Variants in UBE2O observed in about 807,000 individuals in gnomAD.
UBE2O encodes the protein (E3-independent) E2 ubiquitin-conjugating enzyme.
UBE2O carries 15 observed loss-of-function variants against 125.8 expected under a neutral mutation model. That is an observed-to-expected ratio of 0.12 (90% CI 0.08 to 0.18). The LOEUF is 0.18. Among genes scored for constraint, UBE2O ranks in the 10% least tolerant of loss-of-function variants. The probability of loss-of-function intolerance (pLI) is 1.00; values close to 1 mark genes in which losing one functional copy is unlikely to be tolerated. For missense variants in UBE2O, 1,280 were observed against 1,723.6 expected (o/e 0.74, Z 4.56); for synonymous variants, 708 against 703.2 (o/e 1.01, Z -0.11).
chr17:76,397,279 G>C (rs976453402), intron 13 of UBE2O, among the ~76,000 whole-genome samples: 8 of 152,216 alleles, frequency 5.3e-5, no homozygotes, highest in Non-Finnish European at 8.8e-5. Flanking sequence ...TAAGGTGATG[G>C]GGCAAGCCAT....
intron 1 of UBE2O, among the ~76,000 whole-genome samples, chr17:76,419,340 CTACTT>C (rs1300378502): frequency 1.4e-5 from 2 of 146,318 alleles, no homozygotes; most frequent in African/African-American, 5.0e-5. Context: ...TATACTCTGA[CTACTT>C]AGGAATATTT....
intron 1 of UBE2O, among the ~76,000 whole-genome samples, chr17:76,426,913 CT>C (rs200317048): frequency 0.062 from 9,204 of 148,256 alleles, 366 homozygotes; most frequent in South Asian, 0.12. Context: ...GTAAATACAA[CT>C]TTTTTTTTTT....
intron 1 of UBE2O, among the ~76,000 whole-genome samples, chr17:76,421,371 G>C (rs28452498): frequency 0.19 from 29,582 of 151,704 alleles, 3,038 homozygotes; most frequent in East Asian, 0.4. Flanking sequence ...ATTTTCTTTT[G>C]TCTTTTTTTT....
chr17:76,421,565 A>G (rs573298339), intron 1 of UBE2O, among the ~76,000 whole-genome samples: 34 of 152,116 alleles, frequency 2.2e-4, no homozygotes, highest in African/African-American at 7.0e-4. Context: ...GGGTTTCTCC[A>G]TGTTGGTCAG....
chr17:76,445,219 CT>C lies in UBE2O; in HGVS notation c.417+7505del, dbSNP rs1187138560. Among the ~76,000 whole-genome samples the C allele has an allele frequency of 3.4e-3, 492 of 144,512 alleles. 4 individuals are homozygous for C. The highest frequency in any genetic ancestry group is 1.0e-2 in the African/African-American group (395 of 39,622). 94.8% of individuals were successfully genotyped at this position (144,512 alleles called of 152,430 possible). A position where few individuals can be genotyped will look rare whatever the true frequency, so the allele number is the denominator to read the frequency against. ...GTCATTGTTGGGTAGGACTGACTGCCTTTTTTTTTTTCTTTTTCCAAGCATG... is the reference window on the plus strand; with the variant it reads ...GTCATTGTTGGGTAGGACTGACTGCCTTTTTTTTTTCTTTTTCCAAGCATG... On this transcript the variant is annotated intron_variant, in intron 1 of 17. Coordinates refer to ENST00000319380, the MANE Select transcript of UBE2O (RefSeq NM_022066.4).
At position 76,400,390 on chromosome 17, in the gene UBE2O, A is replaced by G; in HGVS notation, c.1004+51T>C. On this transcript the variant is annotated intron_variant, in intron 7 of 17. Coordinates refer to ENST00000319380, the MANE Select transcript of UBE2O (RefSeq NM_022066.4). The surrounding 1 kb of genome is among the most constrained non-coding windows in gnomAD (Gnocchi z 4.3). ...CCCCAGGCATGTGACCAGGGCCCAG[A>G]GCCCTGTCCCACGCGTGCCCCTGGG... 1.3e-6 allele frequency: 2 copies of G among 1,591,810 alleles called. No individual in the cohort carries two copies. Among genetic ancestry groups the G allele is most frequent in the Non-Finnish European group, 1.7e-6 (2 of 1,165,244 alleles).
At position 76,396,653 on chromosome 17, in the gene UBE2O, G is replaced by C; in HGVS notation, c.2284C>G (p.Pro762Ala). 6.2e-7 allele frequency: 1 copy of C among 1,613,598 alleles called. No individual in the cohort carries two copies. Among genetic ancestry groups the C allele is most frequent in the South Asian group, 1.1e-5 (1 of 91,074 alleles). ...HPKIEEPPIP[P>A]LEQPVAPEDK... is the part of the protein sequence containing the mutation. Reference sequence around the variant, plus strand: ...TCAGGGGCCACCGGCTGCTCCAGGGGTGGGATGGGGGGCTCCTCTATCTTG... The same window carrying C: ...TCAGGGGCCACCGGCTGCTCCAGGGCTGGGATGGGGGGCTCCTCTATCTTG... The change falls in exon 14 of 18, where the codon CCC (proline) becomes GCC (alanine). Residue 762 changes from proline to alanine, a missense_variant. This residue lies in a region of UBE2O where 210 missense variants were observed against 268.9 expected (regional missense o/e 0.78). Coordinates refer to ENST00000319380, the MANE Select transcript of UBE2O (RefSeq NM_022066.4). This position sits in a 1 kb window ranked among gnomAD's most constrained non-coding sequence, Gnocchi z 6.7.
chr17:76,405,311 A>G lies in UBE2O; in HGVS notation c.483T>C (p.Ser161=). 2 of 1,610,370 alleles carry G rather than the reference A, an allele frequency of 1.2e-6. No individual in the cohort carries two copies. The highest frequency in any genetic ancestry group is 1.1e-5 in the South Asian group (1 of 90,854). ...DVVRHMRSTD[S]QCGTVIDVNI... is the part of the protein sequence containing the mutation. ...TGACGTCGATCACCGTGCCACACTG[A>G]CTGTCCTGGGGGAGGGAGGAGACAT... The change falls in exon 3 of 18, where the codon AGT becomes AGC. Residue 161 remains serine (S), a synonymous_variant. Coordinates refer to ENST00000319380, the MANE Select transcript of UBE2O (RefSeq NM_022066.4). This position sits in a 1 kb window ranked among gnomAD's most constrained non-coding sequence, Gnocchi z 6.1.
intron 1 of UBE2O, among the ~76,000 whole-genome samples, chr17:76,449,820 T>C (rs2073207189): frequency 6.6e-6 from 1 of 151,958 alleles, no homozygotes; most frequent in African/African-American, 2.4e-5. Context: ...CTCGGGAGGC[T>C]GAGGTAGGAG....
chr17:76,444,849 C>T (rs867122310), intron 1 of UBE2O, among the ~76,000 whole-genome samples: 1 of 152,202 alleles, frequency 6.6e-6, no homozygotes, highest in African/African-American at 2.4e-5. Flanking sequence ...ACATGAATAC[C>T]GGGATGCTTT....
Position 76,390,883 on chromosome 17 carries a change from G to T in UBE2O, c.*60C>A, listed in dbSNP as rs1025361828. ...TGGGAAGAGGGGTGATTCCGGGGGG[G>T]AGTGAGCAGGCGGCGGCTGGCCTCT... On this transcript the variant is annotated 3_prime_UTR_variant, in exon 18 of 18. Transcript: ENST00000319380. 44 of 1,505,724 alleles carry T rather than the reference G, an allele frequency of 2.9e-5. No homozygotes were observed. Among genetic ancestry groups the T allele is most frequent in the Middle Eastern group, 1.8e-4 (1 of 5,592 alleles). 93.3% of individuals were successfully genotyped at this position (1,505,724 alleles called of 1,614,324 possible).
chr17:76,400,263 G>A lies in UBE2O; in HGVS notation c.1039C>T (p.Arg347Trp). 7 of 1,613,944 alleles carry A rather than the reference G, an allele frequency of 4.3e-6. No individual in the cohort carries two copies. The highest frequency in any genetic ancestry group is 3.3e-5 in the Admixed American group (2 of 60,012). Reference protein sequence around the residue: ...KRLGCFDHAQRQLGERCLYVF... With the variant: ...KRLGCFDHAQWQLGERCLYVF... ...TACAGACAGCGCTCCCCAAGCTGCCGCTGAGCATGGTCAAAGCATCCGAGA... is the reference window on the plus strand; with the variant it reads ...TACAGACAGCGCTCCCCAAGCTGCCACTGAGCATGGTCAAAGCATCCGAGA... The change falls in exon 8 of 18, where the codon CGG (arginine) becomes TGG (tryptophan). Residue 347 changes from arginine (R) to tryptophan (W), a missense_variant. By Grantham distance (101) the Arg-to-Trp change is moderately radical. Transcript: ENST00000319380. This position sits in a 1 kb window ranked among gnomAD's most constrained non-coding sequence, Gnocchi z 4.3.
chr17:76,402,777 A>AT lies in UBE2O; in HGVS notation c.589-79_589-78insA. The stretch of plus-strand genomic sequence containing the variant: ...CAGGGCACAGATTCCTCTATGCCCC[A>AT]CCGAAGACAGGATGGGGGAGGATCT... On this transcript the variant is annotated intron_variant, in intron 3 of 17. Transcript: ENST00000319380. This position sits in a 1 kb window ranked among gnomAD's most constrained non-coding sequence, Gnocchi z 5.4. The AT allele has an allele frequency of 1.6e-6, 2 of 1,224,762 alleles. No homozygotes were observed. The highest frequency in any genetic ancestry group is 2.4e-6 in the Non-Finnish European group (2 of 828,372). The allele number at this position is 1,224,762 out of a possible 1,614,324, so 75.9% of individuals were successfully genotyped here. A position where few individuals can be genotyped will look rare whatever the true frequency, so the allele number is the denominator to read the frequency against.
rs929543282 is a variant in UBE2O, at chr17:76,405,719, G to A, written c.418-147C>T. ...TTGGCTAGCAGTATCTTCACAGACC[G>A]CACACACCTCCGACCAGCACCCAGA... On this transcript the variant is annotated intron_variant, in intron 1 of 17. Transcript: ENST00000319380. This position sits in a 1 kb window ranked among gnomAD's most constrained non-coding sequence, Gnocchi z 6.1. 6 of 727,642 alleles carry A rather than the reference G, an allele frequency of 8.2e-6. No homozygotes were observed. The highest frequency in any genetic ancestry group is 5.3e-5 in the African/African-American group (3 of 56,548). 45.1% of individuals were successfully genotyped at this position (727,642 alleles called of 1,614,324 possible).
intron 13 of UBE2O, among the ~76,000 whole-genome samples, chr17:76,397,523 C>T (rs1203109867): frequency 6.6e-6 from 1 of 152,224 alleles, no homozygotes; most frequent in Non-Finnish European, 1.5e-5. Context: ...TTCTTCGTAG[C>T]ATAGTGAGCT....
At chr17:76,422,287 G>A (rs545698872) in intron 1 of UBE2O, among the ~76,000 whole-genome samples, 1 of 152,296 alleles carries the variant, frequency 6.6e-6, no homozygotes, top group East Asian at 1.9e-4. Context: ...CGGGGAGAGG[G>A]CATGGGCAAA....
intron 1 of UBE2O, among the ~76,000 whole-genome samples, chr17:76,434,794 TAA>T (rs150608519): frequency 1.5e-5 from 2 of 133,700 alleles, no homozygotes; most frequent in African/African-American, 5.5e-5. Context: ...TTTTTTTTTT[TAA>T]AAAAACAAAC....
At chr17:76,407,393 AT>A (rs2072443181) in intron 1 of UBE2O, among the ~76,000 whole-genome samples, 1 of 152,150 alleles carries the variant, frequency 6.6e-6, no homozygotes, top group South Asian at 2.1e-4. Flanking sequence ...GAGATACGGC[AT>A]TTTTTTGTGC....
At chr17:76,450,771 G>T (rs1009781349) in intron 1 of UBE2O, among the ~76,000 whole-genome samples, 1 of 152,044 alleles carries the variant, frequency 6.6e-6, no homozygotes, top group Non-Finnish European at 1.5e-5. Context: ...ACAGGCATGC[G>T]CCACCAAGCC....
Sources: allele counts gnomAD v4.1 joint callset (sites outside exome capture counted in the v4.1 genomes callset), GRCh38; gene constraint gnomAD v4.1.1; regional missense constraint gnomAD v4.1.1; non-coding constraint Gnocchi (gnomAD v3.1); transcripts MANE v1.5; gene names NCBI Gene and HGNC (gene_info 2026-07-23, HGNC 2026-07-21).